The following NIPSNAP1 variants were observed in gnomAD, a reference collection of about 807,000 sequenced individuals.
The protein encoded by NIPSNAP1 is protein NipSnap homolog 1.
A neutral mutation model predicts 49.2 loss-of-function variants in NIPSNAP1; 25 were observed. That is an observed-to-expected ratio of 0.51 (90% CI 0.37 to 0.71). NIPSNAP1 has a LOEUF of 0.71. Among genes scored for constraint, NIPSNAP1 ranks in the 30% least tolerant of loss-of-function variants. The probability of loss-of-function intolerance (pLI) is 0.00; values close to 1 mark genes in which losing one functional copy is unlikely to be tolerated. For missense variants in NIPSNAP1, 294 were observed against 361.0 expected (o/e 0.81, Z 1.50); for synonymous variants, 143 against 140.7 (o/e 1.02, Z -0.12).
chr22:29,580,361 G>A (rs1485846911), intron 1 of NIPSNAP1: 8 of 761,574 alleles, frequency 1.1e-5, no homozygotes, highest in East Asian at 1.3e-4. Flanking sequence ...CAGGCTGAGA[G>A]CACATGGCCC....
intron 4 of NIPSNAP1, chr22:29,564,506 T>C: frequency 2.3e-6 from 1 of 436,748 alleles, no homozygotes; most frequent in Non-Finnish European, 4.7e-6. Flanking sequence ...ATCCACCTCC[T>C]GGATTTAAGA....
chr22:29,572,097 G>T (rs1379783187), intron 1 of NIPSNAP1, among the ~76,000 whole-genome samples: 2 of 152,086 alleles, frequency 1.3e-5, no homozygotes, highest in Non-Finnish European at 2.9e-5. Context: ...GAGGTCAGGA[G>T]TTCGAGACCA....
At chr22:29,570,291 A>G in intron 2 of NIPSNAP1, 84 bp from the exon 3 acceptor site, 4 of 1,598,104 alleles carry the variant, frequency 2.5e-6, no homozygotes, top group Non-Finnish European at 2.6e-6. Flanking sequence ...CATCAAGGCC[A>G]GGGGTCCCAG....
At position 29,569,202 on chromosome 22, in the gene NIPSNAP1, C is replaced by T; in HGVS notation, c.358G>A (p.Asp120Asn). 1.9e-6 allele frequency: 3 copies of T among 1,613,968 alleles called. No individual in the cohort carries two copies. The highest frequency in any genetic ancestry group is 8.5e-7 in the Non-Finnish European group (1 of 1,179,960). ...GNWNTWYGEQ[D>N]QAVHLWRFSG... ...GAGGTGAGCGCCTTACCTGCCTGGTCCTGCTCCCCATACCACGTGTTCCAG... is the reference window on the plus strand; with the variant it reads ...GAGGTGAGCGCCTTACCTGCCTGGTTCTGCTCCCCATACCACGTGTTCCAG... Residue 120 changes from aspartate to asparagine, a missense_variant, in exon 4 of 10, where the codon GAC (aspartate) becomes AAC (asparagine). This residue lies in a region of NIPSNAP1 where 146 missense variants were observed against 219.9 expected (regional missense o/e 0.66). Transcript: ENST00000216121.
chr22:29,565,022 T>C (rs140350361), intron 4 of NIPSNAP1, among the ~76,000 whole-genome samples: 164 of 151,280 alleles, frequency 1.1e-3, no homozygotes, highest in African/African-American at 3.5e-3. Context: ...ACCTCATCTC[T>C]ACAAAACAAA....
intron 4 of NIPSNAP1, chr22:29,564,371 C>A (rs779367138): frequency 4.2e-6 from 2 of 470,804 alleles, no homozygotes; most frequent in African/African-American, 2.0e-5. Flanking sequence ...CCAGGAATGA[C>A]CTGTGGAAAA....
intron 3 of NIPSNAP1, 139 bp downstream of exon 3, chr22:29,570,023 G>GAAAA (rs1454698395): frequency 1.2e-5 from 9 of 747,710 alleles, no homozygotes; most frequent in Non-Finnish European, 2.1e-5. Flanking sequence ...AAGAAAGAAA[G>GAAAA]AAAAAGGCAG....
chr22:29,561,768 T>C (rs1483117805), intron 5 of NIPSNAP1, 24 bp downstream of exon 5: 1 of 1,613,666 alleles, frequency 6.2e-7, no homozygotes, highest in Admixed American at 1.7e-5. Context: ...TCCAGAGAGG[T>C]GTGCTGAGTG....
At chr22:29,568,789 G>T (rs538392721) in intron 4 of NIPSNAP1, among the ~76,000 whole-genome samples, 1 of 152,112 alleles carries the variant, frequency 6.6e-6, no homozygotes, top group Admixed American at 6.5e-5. Flanking sequence ...GTGAAACTCA[G>T]TCTCGGAAAA....
rs1300060854 is a variant in NIPSNAP1 at position 29,560,639 on chromosome 22, G to T, written c.706+95C>A. On this transcript the variant is annotated intron_variant, in intron 8 of 9. Transcript: ENST00000216121. ...ATAGTGTCTCCTGCTAGAACATTAA[G>T]TTCTATGAGGACACTAATACAACCC... is the stretch of plus-strand genomic sequence containing the variant. The T allele has an allele frequency of 1.8e-5, 17 of 943,210 alleles. 1 individual carries two copies. Among genetic ancestry groups the T allele is most frequent in the Middle Eastern group, 4.1e-4 (2 of 4,830 alleles). The allele number at this position is 943,210 out of a possible 1,614,324, so 58.4% of individuals were successfully genotyped here.
intron 7 of NIPSNAP1, 91 bp downstream of exon 7, chr22:29,561,080 G>C: frequency 8.2e-7 from 1 of 1,217,244 alleles, no homozygotes; most frequent in South Asian, 1.2e-5. Flanking sequence ...CCTGTGATAT[G>C]GCCCTGGAAA....
intron 4 of NIPSNAP1, 97 bp downstream of exon 4, chr22:29,569,096 G>A: frequency 1.1e-6 from 1 of 891,034 alleles, no homozygotes; most frequent in Non-Finnish European, 1.8e-6. Flanking sequence ...CCCACCAGGT[G>A]CTGTTGTGGA....
intron 6 of NIPSNAP1, 85 bp from the exon 7 acceptor site, chr22:29,561,287 C>A: frequency 6.5e-7 from 1 of 1,541,670 alleles, no homozygotes; most frequent in African/African-American, 1.4e-5. Context: ...GGAAACTGCC[C>A]TGTCTCCCCA....
rs1198643783 is a variant in NIPSNAP1, at chr22:29,555,889, G to C, written c.*46C>G. On this transcript the variant is annotated 3_prime_UTR_variant, in exon 10 of 10. Coordinates refer to ENST00000216121, the MANE Select transcript of NIPSNAP1 (RefSeq NM_003634.4). ...GGACCAGGAGTGCCACTGTCTGTCGGGGTTGCCTGAGGGAGAAGGGGAAGG... is the reference window on the plus strand; with the variant it reads ...GGACCAGGAGTGCCACTGTCTGTCGCGGTTGCCTGAGGGAGAAGGGGAAGG... 2.0e-6 allele frequency: 3 copies of C among 1,524,606 alleles called. No individual in the cohort carries two copies. Among genetic ancestry groups the C allele is most frequent in the Non-Finnish European group, 2.7e-6 (3 of 1,122,264 alleles). 94.4% of individuals were successfully genotyped at this position (1,524,606 alleles called of 1,614,324 possible). A position where few individuals can be genotyped will look rare whatever the true frequency, so the allele number is the denominator to read the frequency against.
chr22:29,574,261 CAAAAAAAAA>C (rs1158442759), intron 1 of NIPSNAP1, among the ~76,000 whole-genome samples: 2 of 36,690 alleles, frequency 5.5e-5, no homozygotes, highest in Non-Finnish European at 9.7e-5. Context: ...TCCATCTTCA[CAAAAAAAAA>C]AAAAAAAAAA....
intron 9 of NIPSNAP1, 73 bp from the exon 10 acceptor site, chr22:29,556,072 C>T (rs759856253): frequency 2.2e-4 from 300 of 1,349,132 alleles, no homozygotes; most frequent in Non-Finnish European, 2.9e-4. Flanking sequence ...CCCACCCACA[C>T]ATGCTGGCCT....
chr22:29,578,282 C>T (rs539805764), intron 1 of NIPSNAP1, among the ~76,000 whole-genome samples: 2 of 150,586 alleles, frequency 1.3e-5, no homozygotes, highest in East Asian at 2.0e-4. Flanking sequence ...GTGATCCACC[C>T]GCCTCAGCCT....
Position 29,570,175 on chromosome 22 carries a change from A to T in NIPSNAP1, c.259T>A (p.Tyr87Asn). 1 of 1,613,914 alleles carries T rather than the reference A, an allele frequency of 6.2e-7. No individual in the cohort carries two copies. The highest frequency in any genetic ancestry group is 8.5e-7 in the Non-Finnish European group (1 of 1,179,970). ...HNVKPEYLDA[Y>N]NSLTEAVLPK... ...CAGGGTGCTCACGTGAGGCTGTTGT[A>T]GGCATCCAGGTATTCAGGCTTTACA... Residue 87 changes from tyrosine (Y) to asparagine (N), a missense_variant, in exon 3 of 10, where the codon TAC (tyrosine) becomes AAC (asparagine). Physicochemically the swap from Tyr to Asn is moderately radical, Grantham distance 143. Around this residue, in one of 4 missense-constraint regions of NIPSNAP1, gnomAD observed 55 missense variants for 46.2 expected, o/e 1.19. Transcript: ENST00000216121.
intron 1 of NIPSNAP1, among the ~76,000 whole-genome samples, chr22:29,576,552 G>A (rs1477696193): frequency 6.6e-6 from 1 of 151,386 alleles, no homozygotes; most frequent in Non-Finnish European, 1.5e-5. Flanking sequence ...TGCAGTCCAA[G>A]TTTGAGAAAT....
Sources: allele counts gnomAD v4.1 joint callset (sites outside exome capture counted in the v4.1 genomes callset), GRCh38; gene constraint gnomAD v4.1.1; regional missense constraint gnomAD v4.1.1; transcripts MANE v1.5; gene names NCBI Gene and HGNC (gene_info 2026-07-23, HGNC 2026-07-21).